TXNL4A: variants seen among roughly 807,000 people sequenced by gnomAD.
TXNL4A encodes thioredoxin-like protein 4A.
TXNL4A carries 17 observed loss-of-function variants against 14.6 expected under a neutral mutation model. That is an observed-to-expected ratio of 1.16 (90% confidence interval 0.80 to 1.74). The LOEUF (loss-of-function observed/expected upper bound fraction) is 1.74. Ranked by LOEUF, TXNL4A falls within the 40% of genes most tolerant of loss-of-function variation. TXNL4A has a pLI of 0.00. For missense variants in TXNL4A, 74 were observed against 195.2 expected, an observed-to-expected ratio of 0.38 and a Z score of 3.70; for synonymous variants, 83 against 70.6, an observed-to-expected ratio of 1.18 and a Z score of -0.88.
At chr18:79,987,205 G>A (rs879314469) in intron 1 of TXNL4A, among the ~76,000 whole-genome samples, 18 of 152,122 alleles carry the variant, frequency 1.2e-4, no homozygotes, top group African/African-American at 3.6e-4. Flanking sequence ...GCACTCCAAG[G>A]GAGTCTTGTA....
chr18:80,023,557 A>C (rs2145127262), intron 1 of TXNL4A, among the ~76,000 whole-genome samples: 1 of 152,300 alleles, frequency 6.6e-6, no homozygotes, highest in East Asian at 1.9e-4. Context: ...TGTCTTATAA[A>C]GGAACTGCTT....
chr18:79,982,949 G>A lies in TXNL4A; in HGVS notation c.154-5248C>T, dbSNP rs2051486576. On this transcript the variant is annotated intron_variant, in intron 1 of 2. Transcript: ENST00000269601. This position sits in a 1 kb window ranked among gnomAD's most constrained non-coding sequence, Gnocchi z 4.0. ...AGCGCTTGGAGGAGGAGCTGGGTGA[G>A]TGCAGCCACACTGCTCTGCCAAGTC... Among the ~76,000 whole-genome samples the A allele has an allele frequency of 6.6e-6, 1 of 152,174 alleles. No individual in the cohort carries two copies. The highest frequency in any genetic ancestry group is 1.5e-5 in the Non-Finnish European group (1 of 68,026).
rs1407230728 is a variant in TXNL4A, at chr18:79,971,249, T to C, written c.*2436A>G. 6.6e-6 allele frequency: 1 copy of C among 152,274 alleles called. No homozygotes were observed. Among genetic ancestry groups the C allele is most frequent in the Non-Finnish European group, 1.5e-5 (1 of 68,070 alleles). 9.4% of individuals were successfully genotyped at this position (152,274 alleles called of 1,614,324 possible). On this transcript the variant is annotated 3_prime_UTR_variant, in exon 3 of 3. Coordinates refer to ENST00000269601, the MANE Select transcript of TXNL4A (RefSeq NM_006701.5). ...GTGGGTTTCCACATTTTGGCTTCTGTGTACGAGTTTCTATGTGGACATATG... is the reference window on the plus strand; with the variant it reads ...GTGGGTTTCCACATTTTGGCTTCTGCGTACGAGTTTCTATGTGGACATATG...
At position 79,973,752 on chromosome 18, in the gene TXNL4A, C is replaced by CGGTA; in HGVS notation, c.358_361dup (p.Arg121LeufsTer66). 1 of 1,614,180 alleles carries CGGTA rather than the reference C, an allele frequency of 6.2e-7. No individual in the cohort carries two copies. Among genetic ancestry groups the CGGTA allele is most frequent in the East Asian group, 2.2e-5 (1 of 44,856 alleles). On this transcript the variant is annotated frameshift_variant, in exon 3 of 3. Transcript: ENST00000269601. LOFTEE classifies it high-confidence loss of function. Reference sequence around the variant, plus strand: ...CAGGCCGCGGCCTTTGCGGGCCCCGCGGTACACCGTCTCGATGATGTCCAC... The same window carrying CGGTA: ...CAGGCCGCGGCCTTTGCGGGCCCCGCGGTAGGTACACCGTCTCGATGATGTCCAC...
At chr18:80,020,583 C>T (rs941940635) in intron 1 of TXNL4A, among the ~76,000 whole-genome samples, 3 of 152,172 alleles carry the variant, frequency 2.0e-5, no homozygotes, top group Non-Finnish European at 2.9e-5. Context: ...AGGCTATTCC[C>T]TTTCTTTTTG....
Position 79,982,067 on chromosome 18 carries a change from G to C in TXNL4A, c.154-4366C>G, listed in dbSNP as rs1294155110. 6.6e-6 allele frequency among the ~76,000 whole-genome samples: 1 copy of C among 152,224 alleles called. No individual in the cohort carries two copies. The highest frequency in any genetic ancestry group is 6.5e-5 in the Admixed American group (1 of 15,284). ...GTCTGGCTCCAAAGCCTGAACTCTG[G>C]ATGACAGAATCAGCCTAACCCACAG... On this transcript the variant is annotated intron_variant, in intron 1 of 2. Transcript: ENST00000269601. This position sits in a 1 kb window ranked among gnomAD's most constrained non-coding sequence, Gnocchi z 4.0.
At chr18:80,033,488 TG>T (rs2051940195) in intron 1 of TXNL4A, among the ~76,000 whole-genome samples, 1 of 152,186 alleles carries the variant, frequency 6.6e-6, no homozygotes, top group African/African-American at 2.4e-5. Flanking sequence ...ACGCCCAATC[TG>T]GGGACTTTCT....
chr18:79,990,718 AC>A (rs1424276156), upstream of TXNL4A, among the ~76,000 whole-genome samples: 1 of 152,258 alleles, frequency 6.6e-6, no homozygotes, highest in Non-Finnish European at 1.5e-5. Context: ...GTTACTTATA[AC>A]AAGATTTATC....
At chr18:80,025,354 A>G (rs1385898347) in intron 1 of TXNL4A, among the ~76,000 whole-genome samples, 1 of 152,084 alleles carries the variant, frequency 6.6e-6, no homozygotes, top group Non-Finnish European at 1.5e-5. Context: ...CTACACTCCC[A>G]CTGTACCCTG....
chr18:80,027,267 C>T (rs574729891), intron 1 of TXNL4A, among the ~76,000 whole-genome samples: 1 of 152,112 alleles, frequency 6.6e-6, no homozygotes, highest in South Asian at 2.1e-4. Flanking sequence ...GAAAAGGGGA[C>T]TCACTATTCC....
At chr18:79,983,057 G>A (rs1464673947) in intron 1 of TXNL4A, among the ~76,000 whole-genome samples, 4 of 152,150 alleles carry the variant, frequency 2.6e-5, no homozygotes, top group African/African-American at 9.7e-5. Flanking sequence ...CTGGAGCAGA[G>A]TGGCGTGATC....
intron 1 of TXNL4A, among the ~76,000 whole-genome samples, chr18:80,019,061 T>C (rs1030728129): frequency 3.9e-5 from 6 of 152,250 alleles, no homozygotes; most frequent in Admixed American, 1.3e-4. Flanking sequence ...TACACTTTCC[T>C]GTCTTCTCTT....
chr18:79,977,417 G>A, intron 2 of TXNL4A, 181 bp downstream of exon 2: 1 of 573,346 alleles, frequency 1.7e-6, no homozygotes, highest in Middle Eastern at 4.6e-4. Context: ...GCTAAAACTA[G>A]AATTGTTACT....
intron 1 of TXNL4A, among the ~76,000 whole-genome samples, chr18:79,996,812 G>C (rs187793650): frequency 3.3e-5 from 5 of 152,152 alleles, no homozygotes; most frequent in Admixed American, 3.3e-4. Context: ...GCGTGGTAGC[G>C]CATGCCTGTA....
upstream of TXNL4A, among the ~76,000 whole-genome samples, chr18:79,990,964 C>T (rs912001110): frequency 6.6e-6 from 1 of 151,908 alleles, no homozygotes; most frequent in Non-Finnish European, 1.5e-5. Flanking sequence ...AAAAATTAGC[C>T]GGGCGCGGTG....
rs1459842425 is a variant in TXNL4A at position 79,971,715 on chromosome 18, T to TTTC, written c.*1969_*1970insGAA. The TTTC allele has an allele frequency of 6.6e-6, 1 of 152,240 alleles. No homozygotes were observed. The highest frequency in any genetic ancestry group is 2.4e-5 in the African/African-American group (1 of 41,462). The allele number at this position is 152,240 out of a possible 1,614,324, so 9.4% of individuals were successfully genotyped here. On this transcript the variant is annotated 3_prime_UTR_variant, in exon 3 of 3. Coordinates refer to ENST00000269601, the MANE Select transcript of TXNL4A (RefSeq NM_006701.5). ...TGAGGGCTCCAATTTCTCCACATCC[T>TTTC]TGCAAACGCTTGTTGCGATCTTTTT...
At chr18:79,980,794 T>C (rs190701666) in intron 1 of TXNL4A, among the ~76,000 whole-genome samples, 20 of 152,202 alleles carry the variant, frequency 1.3e-4, no homozygotes, top group East Asian at 7.7e-4. Context: ...TCGCCATCCA[T>C]GTGCTTTCAA....
intron 1 of TXNL4A, among the ~76,000 whole-genome samples, chr18:79,995,936 AC>A (rs1371266595): frequency 6.6e-6 from 1 of 151,928 alleles, no homozygotes; most frequent in African/African-American, 2.4e-5. Flanking sequence ...CCCCGTCTCT[AC>A]TAAAAATGCA....
At chr18:79,987,616 T>C (rs1428762553) in intron 1 of TXNL4A, among the ~76,000 whole-genome samples, 2 of 152,256 alleles carry the variant, frequency 1.3e-5, no homozygotes, top group Admixed American at 6.5e-5. Flanking sequence ...AATAGTGTCC[T>C]ACAACTTTTA....
Sources: gnomAD v4.1 joint callset for allele counts (sites outside exome capture counted in the v4.1 genomes callset) on GRCh38, gnomAD v4.1.1 for gene constraint, Gnocchi (gnomAD v3.1) non-coding constraint, MANE v1.5 for transcripts, NCBI Gene and HGNC (gene_info 2026-07-23, HGNC 2026-07-21) for gene names.